Variants in NR3C2 observed in about 807,000 individuals in gnomAD.
NR3C2 encodes nuclear receptor subfamily 3 group C member 2.
In NR3C2, 15 loss-of-function variants were observed where a neutral mutation model predicts 86.4. The observed-to-expected ratio is 0.17, with a 90% CI of 0.12 to 0.27. NR3C2 has a LOEUF of 0.27. Ranked by LOEUF, NR3C2 falls within the 10% of genes least tolerant of loss-of-function variation. The pLI is 1.00. For synonymous variants in NR3C2, 458 were observed against 450.5 expected (o/e 1.02, Z -0.21); for missense variants, 960 against 1,195.6 (o/e 0.80, Z 2.91).
chr4:148,323,145 G>A (rs890445543), intron 2 of NR3C2, among the ~76,000 whole-genome samples: 4 of 150,106 alleles, frequency 2.7e-5, no homozygotes, highest in South Asian at 2.2e-4. Context: ...GCCCTGTGAG[G>A]TGTCAGTGTG....
chr4:148,385,229 T>C (rs1747202605), intron 2 of NR3C2, among the ~76,000 whole-genome samples: 2 of 152,202 alleles, frequency 1.3e-5, no homozygotes, highest in African/African-American at 4.8e-5. Flanking sequence ...ATCACCATTA[T>C]ATAATAGGAA....
At chr4:148,188,099 A>G (rs1736021126) in intron 4 of NR3C2, among the ~76,000 whole-genome samples, 2 of 152,114 alleles carry the variant, frequency 1.3e-5, no homozygotes, top group Admixed American at 1.3e-4. Context: ...CCGGTACTAC[A>G]CTGTTTTGGT....
intron 2 of NR3C2, among the ~76,000 whole-genome samples, chr4:148,370,863 C>G (rs1561069377): frequency 6.6e-6 from 1 of 152,066 alleles, no homozygotes. Context: ...CCCCGCCCCC[C>G]AATAAGAGAT....
chr4:148,250,398 T>C (rs529828315), intron 3 of NR3C2, among the ~76,000 whole-genome samples: 1 of 152,222 alleles, frequency 6.6e-6, no homozygotes, highest in Non-Finnish European at 1.5e-5. Context: ...GCTAGAATCA[T>C]AATTTAGTAG....
At chr4:148,297,798 A>G (rs2149917154) in intron 2 of NR3C2, among the ~76,000 whole-genome samples, 1 of 152,146 alleles carries the variant, frequency 6.6e-6, no homozygotes, top group East Asian at 1.9e-4. Flanking sequence ...CTGAGGCAGG[A>G]GAATTGCTTG....
intron 4 of NR3C2, among the ~76,000 whole-genome samples, chr4:148,178,225 G>C (rs1016899157): frequency 6.8e-6 from 1 of 147,002 alleles, no homozygotes; most frequent in Non-Finnish European, 1.5e-5. Flanking sequence ...CAGCTAGTTG[G>C]TAAGCTGAGG....
At chr4:148,331,278 GA>G (rs1251676647) in intron 2 of NR3C2, among the ~76,000 whole-genome samples, 2 of 130,694 alleles carry the variant, frequency 1.5e-5, no homozygotes, top group Non-Finnish European at 3.1e-5. Flanking sequence ...CAGCAGGTGG[GA>G]TAAACGAAAA....
At chr4:148,407,404 C>G (rs1748477329) in intron 2 of NR3C2, among the ~76,000 whole-genome samples, 1 of 152,108 alleles carries the variant, frequency 6.6e-6, no homozygotes, top group South Asian at 2.1e-4. Context: ...AAAAATGTAT[C>G]TTTTTCATGT....
At chr4:148,261,673 T>A (rs1740131279) in intron 2 of NR3C2, among the ~76,000 whole-genome samples, 1 of 152,192 alleles carries the variant, frequency 6.6e-6, no homozygotes, top group South Asian at 2.1e-4. Flanking sequence ...ATAGAGTTGC[T>A]GTATGTCACT....
At chr4:148,134,718 G>A (rs550064227) in intron 6 of NR3C2, among the ~76,000 whole-genome samples, 68 of 142,390 alleles carry the variant, frequency 4.8e-4, no homozygotes, top group African/African-American at 1.7e-3. Context: ...GCACAATCTC[G>A]GCTCACTGCA....
At chr4:148,203,197 A>G (rs567370530) in intron 3 of NR3C2, among the ~76,000 whole-genome samples, 101 of 152,206 alleles carry the variant, frequency 6.6e-4, no homozygotes, top group African/African-American at 2.4e-3. Flanking sequence ...GTTGCTGTTC[A>G]TTCAAACATG....
At chr4:148,358,736 T>C (rs1426968581) in intron 2 of NR3C2, among the ~76,000 whole-genome samples, 2 of 152,138 alleles carry the variant, frequency 1.3e-5, no homozygotes, top group Non-Finnish European at 2.9e-5. Context: ...AGTCTTAGAA[T>C]CTCAAGAAAA....
At chr4:148,370,849 T>C (rs1335187566) in intron 2 of NR3C2, among the ~76,000 whole-genome samples, 1 of 152,044 alleles carries the variant, frequency 6.6e-6, no homozygotes, top group Non-Finnish European at 1.5e-5. Context: ...ATCTTCCTTC[T>C]CCTCCCCGCC....
At chr4:148,158,765 C>G (rs1355115994) in intron 4 of NR3C2, among the ~76,000 whole-genome samples, 4 of 152,184 alleles carry the variant, frequency 2.6e-5, no homozygotes, top group Non-Finnish European at 5.9e-5. Context: ...TAGGAAATGT[C>G]ATGAAGAATA....
At chr4:148,312,626 G>C (rs72655284) in intron 2 of NR3C2, among the ~76,000 whole-genome samples, 1 of 152,146 alleles carries the variant, frequency 6.6e-6, no homozygotes, top group South Asian at 2.1e-4. Context: ...ATACTGAGAA[G>C]AAAGTACAAA....
chr4:148,234,790 C>G (rs1738663261), intron 3 of NR3C2, among the ~76,000 whole-genome samples: 1 of 151,420 alleles, frequency 6.6e-6, no homozygotes, highest in Admixed American at 6.6e-5. Context: ...CAGAGATTAA[C>G]TTGGGTTTTC....
At chr4:148,341,109 T>C (rs1744726054) in intron 2 of NR3C2, among the ~76,000 whole-genome samples, 1 of 152,070 alleles carries the variant, frequency 6.6e-6, no homozygotes, top group African/African-American at 2.4e-5. Context: ...AATCCAGCAA[T>C]GTAAAGGAAA....
intron 2 of NR3C2, among the ~76,000 whole-genome samples, chr4:148,318,561 G>C (rs371463721): frequency 2.0e-5 from 3 of 151,686 alleles, no homozygotes; most frequent in East Asian, 1.9e-4. Flanking sequence ...TTTTAATGAT[G>C]GCCATTCTAA....
At chr4:148,354,822 TAATC>T (rs1269657989) in intron 2 of NR3C2, among the ~76,000 whole-genome samples, 4 of 152,324 alleles carry the variant, frequency 2.6e-5, no homozygotes. Context: ...AGAATTATCT[TAATC>T]AAGGATATTT....
Sources: allele counts gnomAD v4.1 joint callset (sites outside exome capture counted in the v4.1 genomes callset), GRCh38; gene constraint gnomAD v4.1.1; transcripts MANE v1.5; gene names NCBI Gene and HGNC (gene_info 2026-07-23, HGNC 2026-07-21).